Variants in NECTIN3 observed in about 807,000 individuals in gnomAD.
The protein encoded by NECTIN3 is nectin-3.
In NECTIN3, 8 loss-of-function variants were observed where a neutral mutation model predicts 49.4. The ratio of observed to expected loss-of-function variants is 0.16; its 90% CI spans 0.10 to 0.29. The LOEUF (loss-of-function observed/expected upper bound fraction) is 0.29. NECTIN3 is among the 10% of genes least tolerant of loss of function. NECTIN3 has a pLI of 1.00. For synonymous variants in NECTIN3, 277 were observed against 241.1 expected, an observed-to-expected ratio of 1.15 and a Z score of -1.38; for missense variants, 581 against 654.6, an observed-to-expected ratio of 0.89 and a Z score of 1.23.
intron 7 of NECTIN3, among the ~76,000 whole-genome samples, chr3:111,166,612 T>G (rs2035324073): frequency 6.6e-6 from 1 of 152,230 alleles, no homozygotes; most frequent in East Asian, 1.9e-4. Flanking sequence ...TTATCTAATT[T>G]GAGATCTGGG....
chr3:111,174,007 C>T (rs2035480377), intron 7 of NECTIN3, among the ~76,000 whole-genome samples: 1 of 152,114 alleles, frequency 6.6e-6, no homozygotes, highest in Non-Finnish European at 1.5e-5. Context: ...TCTGCTCTCA[C>T]TGTATTGCTT....
At chr3:111,126,529 T>C (rs903251113) in intron 5 of NECTIN3, among the ~76,000 whole-genome samples, 194 bp downstream of exon 5, 2 of 152,200 alleles carry the variant, frequency 1.3e-5, no homozygotes, top group East Asian at 3.8e-4. Context: ...GCATCCTTTA[T>C]TGAAATGTCA....
At chr3:111,175,689 CATG>C (rs1248306574) in intron 7 of NECTIN3, among the ~76,000 whole-genome samples, 2 of 152,108 alleles carry the variant, frequency 1.3e-5, no homozygotes, top group Admixed American at 1.3e-4. Context: ...ATATTGCAAA[CATG>C]ATGACATTTC....
intron 7 of NECTIN3, among the ~76,000 whole-genome samples, chr3:111,160,425 A>T (rs1052266867): frequency 1.3e-5 from 2 of 152,174 alleles, no homozygotes; most frequent in African/African-American, 4.8e-5. Flanking sequence ...AGTGCCCTGA[A>T]CTGATGTGAA....
Position 111,144,774 on chromosome 3 carries a change from G to A in NECTIN3, c.1001-125G>A, listed in dbSNP as rs887490432. 3.9e-6 allele frequency: 4 copies of A among 1,026,556 alleles called. No individual in the cohort carries two copies. In the African/African-American group the frequency reaches 6.5e-5, roughly 17 times the overall value. 63.6% of individuals were successfully genotyped at this position (1,026,556 alleles called of 1,614,324 possible). ...CTAAACCTAATGAATGAAATTTGGG[G>A]TCCTCTAACCTGGCTCTTGGATAAC... On this transcript the variant is annotated intron_variant, in intron 5 of 8. Coordinates refer to the NECTIN3 transcript ENST00000493615.
chr3:111,182,047 G>T (rs1033407226), intron 7 of NECTIN3, among the ~76,000 whole-genome samples: 1 of 151,828 alleles, frequency 6.6e-6, no homozygotes, highest in African/African-American at 2.4e-5. Flanking sequence ...GGCTTTTTAA[G>T]ATATCATTAT....
intron 6 of NECTIN3, among the ~76,000 whole-genome samples, chr3:111,145,532 T>C (rs965441569): frequency 3.3e-5 from 5 of 152,206 alleles, no homozygotes; most frequent in Non-Finnish European, 7.3e-5. Flanking sequence ...CATCTTCTTA[T>C]TTAAAGAATA....
intron 1 of NECTIN3, among the ~76,000 whole-genome samples, chr3:111,089,230 T>C (rs2032109042): frequency 6.6e-6 from 1 of 152,110 alleles, no homozygotes; most frequent in African/African-American, 2.4e-5. Flanking sequence ...TTATTATACT[T>C]TTCAAAGAAC....
At chr3:111,145,437 A>G (rs940001681) in intron 6 of NECTIN3, among the ~76,000 whole-genome samples, 1 of 152,212 alleles carries the variant, frequency 6.6e-6, no homozygotes, top group Non-Finnish European at 1.5e-5. Flanking sequence ...TATAGATATA[A>G]CTGAACTATC....
At chr3:111,098,614 A>T (rs1035885565) in intron 1 of NECTIN3, among the ~76,000 whole-genome samples, 12 of 152,290 alleles carry the variant, frequency 7.9e-5, no homozygotes, top group African/African-American at 2.9e-4. Context: ...GTGTCATCTC[A>T]TCCTGAGACC....
At chr3:111,082,851 T>C (rs1027307610) in intron 1 of NECTIN3, among the ~76,000 whole-genome samples, 22 of 152,204 alleles carry the variant, frequency 1.4e-4, no homozygotes, top group African/African-American at 5.3e-4. Flanking sequence ...AACTAGACAG[T>C]CCCGTCTGGG....
intron 2 of NECTIN3, among the ~76,000 whole-genome samples, chr3:111,113,726 G>T (rs963629941): frequency 6.6e-6 from 1 of 152,168 alleles, no homozygotes; most frequent in Non-Finnish European, 1.5e-5. Context: ...GCTCACTCCT[G>T]TAATCCCAGC....
At chr3:111,188,447 G>C (rs991972667), upstream of NECTIN3, among the ~76,000 whole-genome samples, 1 of 152,144 alleles carries the variant, frequency 6.6e-6, no homozygotes, top group Admixed American at 6.5e-5. Flanking sequence ...CTTATTGTCC[G>C]ATCAGTGCAC....
At chr3:111,187,473 A>G (rs2035742075), upstream of NECTIN3, among the ~76,000 whole-genome samples, 2 of 152,190 alleles carry the variant, frequency 1.3e-5, no homozygotes, top group African/African-American at 4.8e-5. Flanking sequence ...ATATTTACCC[A>G]TATGATGTGA....
In NECTIN3 at chr3:111,090,408, C is replaced by G. The variant is rs1041054265; in HGVS notation, c.160+18231C>G. 7.2e-5 allele frequency among the ~76,000 whole-genome samples: 11 copies of G among 151,944 alleles called. No individual in the cohort carries two copies. The South Asian group carries it at 8.3e-4, about 11-fold the overall frequency. ...TTTAATATTAACTTCATGAACTACC[C>G]TACTGTTAACTACCCTAGAGATTAC... On this transcript the variant is annotated intron_variant, in intron 1 of 5. Coordinates refer to ENST00000485303, the MANE Select transcript of NECTIN3 (RefSeq NM_015480.3).
At chr3:111,138,970 A>G (rs377259620), downstream of NECTIN3, among the ~76,000 whole-genome samples, 38 of 151,714 alleles carry the variant, frequency 2.5e-4, 1 homozygote, top group East Asian at 7.2e-3. Flanking sequence ...AAAAACAACA[A>G]CAACAAAAAG....
chr3:111,113,172 A>G (rs1329655781), intron 2 of NECTIN3, among the ~76,000 whole-genome samples: 3 of 152,186 alleles, frequency 2.0e-5, no homozygotes, highest in Non-Finnish European at 4.4e-5. Flanking sequence ...GCCAGTGACT[A>G]AGTGAGGCAG....
downstream of NECTIN3, among the ~76,000 whole-genome samples, chr3:111,138,586 A>G (rs1049163418): frequency 2.0e-5 from 3 of 151,408 alleles, no homozygotes; most frequent in African/African-American, 7.3e-5. Flanking sequence ...GGTATCATTT[A>G]TTTTCTTGAA....
intron 1 of NECTIN3, among the ~76,000 whole-genome samples, chr3:111,082,824 A>G (rs1314858020): frequency 4.6e-5 from 7 of 152,234 alleles, no homozygotes; most frequent in Admixed American, 4.6e-4. Flanking sequence ...GTGGGAGCCC[A>G]GAGCTTGTTT....
Sources: gnomAD v4.1 joint callset for allele counts (sites outside exome capture counted in the v4.1 genomes callset) on GRCh38, gnomAD v4.1.1 for gene constraint, MANE v1.5 for transcripts, NCBI Gene and HGNC (gene_info 2026-07-23, HGNC 2026-07-21) for gene names.